Variants in OR10G3 observed in about 807,000 individuals in gnomAD.
The protein encoded by OR10G3 is olfactory receptor family 10 subfamily G member 3.
Under a neutral mutation model 13.4 loss-of-function variants are expected in OR10G3, and 8 were observed. That is an observed-to-expected ratio of 0.60 (90% CI 0.35 to 1.08). The LOEUF (loss-of-function observed/expected upper bound fraction) is 1.08, where lower values mean the gene tolerates loss of function less well. Ranked by LOEUF, OR10G3 falls within the 50% of genes least tolerant of loss-of-function variation. The pLI is 0.02. For synonymous variants in OR10G3, 142 were observed against 156.1 expected, an observed-to-expected ratio of 0.91 and a Z score of 0.67; for missense variants, 393 against 386.6, an observed-to-expected ratio of 1.02 and a Z score of -0.14.
At chr14:21,573,903 T>TAA (rs1166009096) in intron 1 of OR10G3, among the ~76,000 whole-genome samples, 1 of 152,212 alleles carries the variant, frequency 6.6e-6, no homozygotes, top group East Asian at 1.9e-4. Flanking sequence ...ATTTTTAATT[T>TAA]AACTATTATT....
In OR10G3 at chr14:21,570,407, C is replaced by A. The variant is rs1893053924; in HGVS notation, c.338G>T (p.Cys113Phe). 1.2e-6 allele frequency: 2 copies of A among 1,614,128 alleles called. No individual in the cohort carries two copies. Among genetic ancestry groups the A allele is most frequent in the Non-Finnish European group, 8.5e-7 (1 of 1,180,022 alleles). The change falls in exon 2 of 2, where the codon TGC becomes TTC. Residue 113 changes from cysteine to phenylalanine, a missense_variant. Cys to Phe is a radical substitution (Grantham distance 205, BLOSUM62 -2). Coordinates refer to ENST00000641040, the MANE Select transcript of OR10G3 (RefSeq NM_001005465.2). ...ATAGGCCATTAGGGTGTAGAGGAAG[C>A]ACTGGGTGCTGCCCAGGAAGTGATA... ...YFYHFLGSTQ[C>F]FLYTLMAYDR...
At chr14:21,573,808 C>T (rs561727287) in intron 1 of OR10G3, among the ~76,000 whole-genome samples, 497 of 151,766 alleles carry the variant, frequency 3.3e-3, no homozygotes, top group African/African-American at 9.4e-3. Flanking sequence ...GTTCTTACTA[C>T]AAAAAAAGAC....
intron 1 of OR10G3, among the ~76,000 whole-genome samples, chr14:21,575,674 C>T (rs1893120720): frequency 6.6e-6 from 1 of 152,168 alleles, no homozygotes; most frequent in Non-Finnish European, 1.5e-5. Flanking sequence ...CCACTGCCCT[C>T]GGCTCAATAG....
chr14:21,570,699 C>T lies in OR10G3; in HGVS notation c.46G>A (p.Gly16Arg). Residue 16 changes from glycine to arginine, a missense_variant, in exon 2 of 2, where the codon GGA becomes AGA. Transcript: ENST00000641040. ...CTTAGCCTGAGTGGATACGGAATTC[C>T]TGTCAGGATAAACGCAGTCAACAGT... Reference protein sequence around the residue: ...STLLTAFILTGIPYPLRLRTL... With the variant: ...STLLTAFILTRIPYPLRLRTL... The T allele has an allele frequency of 6.2e-7, 1 of 1,603,312 alleles. No individual in the cohort carries two copies. The highest frequency in any genetic ancestry group is 8.5e-7 in the Non-Finnish European group (1 of 1,179,366).
Position 21,569,328 on chromosome 14 carries a change from T to G in OR10G3, c.*475A>C, listed in dbSNP as rs1893037149. 6.3e-6 allele frequency: 1 copy of G among 157,730 alleles called. No homozygotes were observed. Among genetic ancestry groups the G allele is most frequent in the African/African-American group, 2.4e-5 (1 of 41,454 alleles). 9.8% of individuals were successfully genotyped at this position (157,730 alleles called of 1,614,324 possible). On this transcript the variant is annotated 3_prime_UTR_variant, in exon 2 of 2. Transcript: ENST00000641040. Reference sequence around the variant, plus strand: ...CGCCTGCCCAGATTAAGGGTGGATCTGCCTTTCCCAGCCTTCAAATGTTAA... The same window carrying G: ...CGCCTGCCCAGATTAAGGGTGGATCGGCCTTTCCCAGCCTTCAAATGTTAA...
chr14:21,572,285 C>A (rs1175443948), intron 1 of OR10G3, among the ~76,000 whole-genome samples: 4 of 12,678 alleles, frequency 3.2e-4, no homozygotes, highest in African/African-American at 6.7e-4. Context: ...AACTCCATCT[C>A]AAAAAAAAAA....
intron 1 of OR10G3, among the ~76,000 whole-genome samples, 185 bp downstream of exon 1, chr14:21,579,601 A>G (rs1876847027): frequency 6.6e-6 from 1 of 152,222 alleles, no homozygotes; most frequent in African/African-American, 2.4e-5. Flanking sequence ...TATGAGCAGA[A>G]CAGCAAAGAA....
Position 21,570,706 on chromosome 14 carries a change from G to A in OR10G3, c.39C>T (p.Ile13=). The change falls in exon 2 of 2, where the codon ATC becomes ATT. Residue 13 remains isoleucine (I), a synonymous_variant. Coordinates refer to ENST00000641040, the MANE Select transcript of OR10G3 (RefSeq NM_001005465.2). ...TGAGTGGATACGGAATTCCTGTCAG[G>A]ATAAACGCAGTCAACAGTGTGCTGT... ...RINSTLLTAF[I]LTGIPYPLRL... 1 of 1,600,734 alleles carries A rather than the reference G, an allele frequency of 6.2e-7. No individual in the cohort carries two copies. The highest frequency in any genetic ancestry group is 8.5e-7 in the Non-Finnish European group (1 of 1,178,846).
chr14:21,569,700 AT>A lies in OR10G3; in HGVS notation c.*102del. 3.4e-6 allele frequency: 3 copies of A among 881,042 alleles called. No individual in the cohort carries two copies. The highest frequency in any genetic ancestry group is 5.2e-6 in the Non-Finnish European group (3 of 573,532). 54.6% of individuals were successfully genotyped at this position (881,042 alleles called of 1,614,324 possible). A position where few individuals can be genotyped will look rare whatever the true frequency, so the allele number is the denominator to read the frequency against. On this transcript the variant is annotated 3_prime_UTR_variant, in exon 2 of 2. Coordinates refer to ENST00000641040, the MANE Select transcript of OR10G3 (RefSeq NM_001005465.2). ...CTGTGTTTGATCATACAGTATGGCTATATAAAAGAGAAAAAACAAGAAGAAA... is the reference window on the plus strand; with the variant it reads ...CTGTGTTTGATCATACAGTATGGCTAATAAAAGAGAAAAAACAAGAAGAAA...
intron 1 of OR10G3, among the ~76,000 whole-genome samples, chr14:21,575,213 C>T (rs1893114362): frequency 6.6e-6 from 1 of 151,902 alleles, no homozygotes; most frequent in African/African-American, 2.4e-5. Flanking sequence ...TCCTAAGTAG[C>T]TGGGACTACA....
At chr14:21,574,339 T>C (rs1349846816) in intron 1 of OR10G3, among the ~76,000 whole-genome samples, 1 of 151,908 alleles carries the variant, frequency 6.6e-6, no homozygotes, top group East Asian at 1.9e-4. Flanking sequence ...TTGATTGATT[T>C]TTTTTTCTCT....
At chr14:21,577,429 T>A (rs1254012709) in intron 1 of OR10G3, among the ~76,000 whole-genome samples, 3 of 152,048 alleles carry the variant, frequency 2.0e-5, no homozygotes, top group Non-Finnish European at 2.9e-5. Flanking sequence ...ATTGTGTTGT[T>A]CCTAGTCCAG....
chr14:21,577,256 G>C (rs531971717), intron 1 of OR10G3, among the ~76,000 whole-genome samples: 6 of 152,156 alleles, frequency 3.9e-5, no homozygotes, highest in Non-Finnish European at 8.8e-5. Flanking sequence ...ATGGCACAAG[G>C]AGAAGGAAAC....
intron 1 of OR10G3, among the ~76,000 whole-genome samples, chr14:21,571,431 C>T (rs953461092): frequency 2.0e-5 from 3 of 152,184 alleles, no homozygotes; most frequent in Non-Finnish European, 2.9e-5. Context: ...TGAGGACTAT[C>T]GCCACTATGC....
At chr14:21,578,359 T>C (rs1876807494) in intron 1 of OR10G3, among the ~76,000 whole-genome samples, 1 of 152,072 alleles carries the variant, frequency 6.6e-6, no homozygotes, top group African/African-American at 2.4e-5. Context: ...TGCAGTGACT[T>C]GAGATCGTGC....
intron 1 of OR10G3, among the ~76,000 whole-genome samples, chr14:21,576,125 G>T (rs1274134804): frequency 6.6e-6 from 1 of 152,178 alleles, no homozygotes; most frequent in African/African-American, 2.4e-5. Context: ...GGTCACTGAG[G>T]TCTGTTGTTA....
chr14:21,569,722 A>G lies in OR10G3; in HGVS notation c.*81T>C. On this transcript the variant is annotated 3_prime_UTR_variant, in exon 2 of 2. Transcript: ENST00000641040. Reference sequence around the variant, plus strand: ...GCTATATAAAAGAGAAAAAACAAGAAGAAAAGAAAAAAGTTACCGAAGCCT... The same window carrying G: ...GCTATATAAAAGAGAAAAAACAAGAGGAAAAGAAAAAAGTTACCGAAGCCT... 10 of 1,171,738 alleles carry G rather than the reference A, an allele frequency of 8.5e-6. No individual in the cohort carries two copies. The highest frequency in any genetic ancestry group is 1.2e-5 in the Non-Finnish European group (10 of 832,566). 72.6% of individuals were successfully genotyped at this position (1,171,738 alleles called of 1,614,324 possible).
At chr14:21,576,004 A>C (rs1248965290) in intron 1 of OR10G3, among the ~76,000 whole-genome samples, 3 of 152,142 alleles carry the variant, frequency 2.0e-5, no homozygotes, top group African/African-American at 7.2e-5. Context: ...AAGTTCCCAC[A>C]CAGGTTCCTT....
intron 1 of OR10G3, among the ~76,000 whole-genome samples, chr14:21,572,265 A>C: frequency 7.9e-6 from 1 of 127,228 alleles, no homozygotes; most frequent in Non-Finnish European, 1.6e-5. Flanking sequence ...CAGCCTGGGC[A>C]AAAGAGTGAA....
Sources: gnomAD v4.1 joint callset for allele counts (sites outside exome capture counted in the v4.1 genomes callset) on GRCh38, gnomAD v4.1.1 for gene constraint, MANE v1.5 for transcripts, NCBI Gene and HGNC (gene_info 2026-07-23, HGNC 2026-07-21) for gene names.